The following NECTIN3 variants were observed in gnomAD, a reference collection of about 807,000 sequenced individuals.
NECTIN3 encodes nectin-3.
In NECTIN3, 8 loss-of-function variants were observed where a neutral mutation model predicts 49.4. The ratio of observed to expected loss-of-function variants is 0.16; its 90% CI spans 0.10 to 0.29. NECTIN3 has a LOEUF of 0.29. Among genes scored for constraint, NECTIN3 ranks in the 10% least tolerant of loss-of-function variants. The probability of loss-of-function intolerance (pLI) is 1.00; values close to 1 mark genes in which losing one functional copy is unlikely to be tolerated. For missense variants in NECTIN3, 581 were observed against 654.6 expected, an observed-to-expected ratio of 0.89 and a Z score of 1.23; for synonymous variants, 277 against 241.1, an observed-to-expected ratio of 1.15 and a Z score of -1.38.
Position 111,136,769 on chromosome 3 carries a change from A to G in NECTIN3, c.*2554A>G. The G allele has an allele frequency of 1.1e-6, 1 of 930,332 alleles. No individual in the cohort carries two copies. Among genetic ancestry groups the G allele is most frequent in the Non-Finnish European group, 1.3e-6 (1 of 780,234 alleles). The allele number at this position is 930,332 out of a possible 1,614,324, so 57.6% of individuals were successfully genotyped here. A position where few individuals can be genotyped will look rare whatever the true frequency, so the allele number is the denominator to read the frequency against. ...TTTTAGCATTTTGTAAATTCACTTGAGAGTTTTCTTTCATACTGGTTAAAA... is the reference window on the plus strand; with the variant it reads ...TTTTAGCATTTTGTAAATTCACTTGGGAGTTTTCTTTCATACTGGTTAAAA... On this transcript the variant is annotated 3_prime_UTR_variant, in exon 6 of 6. Transcript: ENST00000485303.
Position 111,136,492 on chromosome 3 carries a change from A to G in NECTIN3, c.*2277A>G. The G allele has an allele frequency of 1.0e-6, 1 of 983,518 alleles. No individual in the cohort carries two copies. The highest frequency in any genetic ancestry group is 1.2e-6 in the Non-Finnish European group (1 of 828,392). The allele number at this position is 983,518 out of a possible 1,614,324, so 60.9% of individuals were successfully genotyped here. ...TTCTGTGTTGTAAGAATCTGATACTAGTGCTTAAGACTTTGGGAAGCATTG... is the reference window on the plus strand; with the variant it reads ...TTCTGTGTTGTAAGAATCTGATACTGGTGCTTAAGACTTTGGGAAGCATTG... On this transcript the variant is annotated 3_prime_UTR_variant, in exon 6 of 6. Coordinates refer to ENST00000485303, the MANE Select transcript of NECTIN3 (RefSeq NM_015480.3).
intron 2 of NECTIN3, among the ~76,000 whole-genome samples, chr3:111,112,934 A>C (rs996698228): frequency 2.0e-5 from 3 of 152,290 alleles, no homozygotes; most frequent in East Asian, 3.9e-4. Context: ...ACTTTAAGCT[A>C]CTTTCAGTGA....
intron 1 of NECTIN3, among the ~76,000 whole-genome samples, chr3:111,082,194 T>C (rs1473322753): frequency 6.6e-6 from 1 of 152,104 alleles, no homozygotes; most frequent in African/African-American, 2.4e-5. Context: ...GAGGATTGAT[T>C]AATCAATCCA....
At position 111,170,013 on chromosome 3, in the gene NECTIN3, G is replaced by A. The variant is rs529120580; in HGVS notation, c.1222-22338G>A. ...ATACTGGCCAGTTGAAAATGTTCTT[G>A]TGTGCCCCCCTTTGTCTCTATCCAA... On this transcript the variant is annotated intron_variant, in intron 7 of 8. Coordinates refer to the NECTIN3 transcript ENST00000493615. Among the ~76,000 whole-genome samples the A allele has an allele frequency of 3.9e-5, 6 of 152,254 alleles. 1 individual carries two copies. The highest frequency in any genetic ancestry group is 1.9e-4 in the East Asian group (1 of 5,178).
intron 4 of NECTIN3, among the ~76,000 whole-genome samples, chr3:111,123,428 T>G (rs1010997791): frequency 1.3e-5 from 2 of 152,138 alleles, no homozygotes; most frequent in African/African-American, 4.8e-5. Flanking sequence ...TAGTGGATGC[T>G]TTCTCTGCAG....
At chr3:111,162,557 C>T (rs902291874) in intron 7 of NECTIN3, among the ~76,000 whole-genome samples, 5 of 152,140 alleles carry the variant, frequency 3.3e-5, no homozygotes, top group South Asian at 2.1e-4. Context: ...TTATAAATTA[C>T]GCAGTCTCAG....
intron 6 of NECTIN3, among the ~76,000 whole-genome samples, chr3:111,146,013 A>G (rs559349425): frequency 2.0e-5 from 3 of 152,296 alleles, no homozygotes; most frequent in Admixed American, 1.3e-4. Context: ...TAAATGGCCT[A>G]TGGCACCTTG....
In NECTIN3 at chr3:111,071,846, G is replaced by A; in HGVS notation, c.-172G>A. ...CGGCAGTGGCGTCGGCGACGGCGGT[G>A]TCGAGGCAGCCGCCAGCGTTCGGCC... is the stretch of plus-strand genomic sequence containing the variant. On this transcript the variant is annotated 5_prime_UTR_variant, in exon 1 of 6. Transcript: ENST00000485303. 1 of 408,852 alleles carries A rather than the reference G, an allele frequency of 2.4e-6. No homozygotes were observed. The highest frequency in any genetic ancestry group is 2.1e-5 in the African/African-American group (1 of 47,916). The allele number at this position is 408,852 out of a possible 1,614,324, so 25.3% of individuals were successfully genotyped here. A position where few individuals can be genotyped will look rare whatever the true frequency, so the allele number is the denominator to read the frequency against.
downstream of NECTIN3, among the ~76,000 whole-genome samples, chr3:111,142,442 TAGAA>T (rs1479322053): frequency 1.3e-5 from 2 of 151,786 alleles, no homozygotes; most frequent in Admixed American, 6.6e-5. Context: ...CAAATTAAGA[TAGAA>T]GGAAGTGTTG....
At chr3:111,146,670 AATACAG>A (rs2034883976) in intron 6 of NECTIN3, among the ~76,000 whole-genome samples, 2 of 152,162 alleles carry the variant, frequency 1.3e-5, no homozygotes, top group African/African-American at 4.8e-5. Context: ...TTTATCCTTT[AATACAG>A]ATAACTTTTT....
chr3:111,134,546 A>C lies in NECTIN3; in HGVS notation c.*331A>C. 1 of 978,856 alleles carries C rather than the reference A, an allele frequency of 1.0e-6. No homozygotes were observed. Among genetic ancestry groups the C allele is most frequent in the Non-Finnish European group, 1.2e-6 (1 of 817,156 alleles). 60.6% of individuals were successfully genotyped at this position (978,856 alleles called of 1,614,324 possible). ...ACAAAAATTTTTTAAAAAGGGAACTACCTTGACATTGTGTATTAAATGTTT... is the reference window on the plus strand; with the variant it reads ...ACAAAAATTTTTTAAAAAGGGAACTCCCTTGACATTGTGTATTAAATGTTT... On this transcript the variant is annotated 3_prime_UTR_variant, in exon 6 of 6. Transcript: ENST00000485303.
intron 1 of NECTIN3, chr3:111,072,781 C>G: frequency 1.9e-6 from 1 of 526,680 alleles, no homozygotes; most frequent in Non-Finnish European, 3.3e-6. Context: ...TGCCCTCCAG[C>G]TTGTGGGACG....
At chr3:111,072,540 C>T in intron 1 of NECTIN3, 2 of 1,535,864 alleles carry the variant, frequency 1.3e-6, no homozygotes, top group South Asian at 1.2e-5. Flanking sequence ...TGCACGTTTG[C>T]CGCTTTTTTT....
intron 7 of NECTIN3, among the ~76,000 whole-genome samples, chr3:111,158,071 G>T (rs2035133596): frequency 1.3e-5 from 2 of 151,844 alleles, no homozygotes; most frequent in Non-Finnish European, 2.9e-5. Context: ...TTTGCTTTAA[G>T]AACAAGATTT....
rs114921334 is a variant in NECTIN3, at chr3:111,095,042, C to T, written c.161-16988C>T. Among the ~76,000 whole-genome samples the T allele has an allele frequency of 4.1e-3, 617 of 152,214 alleles. 5 individuals are homozygous for T. The highest frequency in any genetic ancestry group is 0.014 in the African/African-American group (565 of 41,522). On this transcript the variant is annotated intron_variant, in intron 1 of 5. Transcript: ENST00000485303. ...AGTCACTGAGATTTTTCTTACAAGG[C>T]TCTAAGAGCCATTCTGTAAGTTTTC... is the stretch of plus-strand genomic sequence containing the variant.
At chr3:111,089,331 T>G (rs115937569) in intron 1 of NECTIN3, among the ~76,000 whole-genome samples, 4,741 of 152,046 alleles carry the variant, frequency 0.031, 238 homozygotes, top group African/African-American at 0.11. Flanking sequence ...TATTTTTATT[T>G]GGAGAGGGGC....
intron 1 of NECTIN3, chr3:111,075,339 C>T (rs1022390818): frequency 6.6e-6 from 1 of 152,108 alleles, no homozygotes; most frequent in Admixed American, 6.6e-5. Context: ...CCCTGTCCTT[C>T]CCTCCCTTCC....
chr3:111,192,065 C>T (rs576337301), upstream of NECTIN3, among the ~76,000 whole-genome samples: 2 of 152,308 alleles, frequency 1.3e-5, no homozygotes, highest in East Asian at 3.9e-4. Context: ...CTTCTGGCCT[C>T]AAGTTATCCA....
chr3:111,147,116 A>C (rs146172873), intron 6 of NECTIN3, among the ~76,000 whole-genome samples: 369 of 152,318 alleles, frequency 2.4e-3, no homozygotes, highest in African/African-American at 8.3e-3. Flanking sequence ...GCACTAAAGT[A>C]AAGTCATATA....
Sources: allele counts gnomAD v4.1 joint callset (sites outside exome capture counted in the v4.1 genomes callset), GRCh38; gene constraint gnomAD v4.1.1; transcripts MANE v1.5; gene names NCBI Gene and HGNC (gene_info 2026-07-23, HGNC 2026-07-21).